Variants in HDAC9 observed in about 807,000 individuals in gnomAD.
The protein encoded by HDAC9 is MEF-2 interacting transcription repressor (MITR) protein.
HDAC9 carries 41 observed loss-of-function variants against 139.4 expected under a neutral mutation model. That is an observed-to-expected ratio of 0.29 (90% CI 0.23 to 0.38). The LOEUF is 0.38. Ranked by LOEUF, HDAC9 falls within the 10% of genes least tolerant of loss-of-function variation. The probability of loss-of-function intolerance (pLI) is 1.00; values close to 1 mark genes in which losing one functional copy is unlikely to be tolerated. For missense variants in HDAC9, 1,147 were observed against 1,297.0 expected (o/e 0.88, Z 1.78); for synonymous variants, 517 against 476.2 (o/e 1.09, Z -1.12).
At position 18,648,599 on chromosome 7, in the gene HDAC9, G is replaced by T; in HGVS notation, c.1383G>T (p.Thr461=). The T allele has an allele frequency of 3.1e-6, 5 of 1,613,504 alleles. No individual in the cohort carries two copies. The highest frequency in any genetic ancestry group is 3.3e-4 in the Middle Eastern group (2 of 6,062). The change falls in exon 11 of 26, where the codon ACG becomes ACT. Residue 461 remains threonine, a synonymous_variant. Coordinates refer to ENST00000686413, the MANE Select transcript of HDAC9 (RefSeq NM_178425.4). ...AGTCTGCACCTTTGCCTCAGAGCAC[G>T]TTGGCTCAGCTGGTCATTCAACAGC... is the stretch of plus-strand genomic sequence containing the variant. The part of the protein sequence containing the change: ...RTQSAPLPQS[T]LAQLVIQQQH...
chr7:18,387,034 G>A (rs1369793992), intron 1 of HDAC9, among the ~76,000 whole-genome samples: 1 of 152,282 alleles, frequency 6.6e-6, no homozygotes, highest in Non-Finnish European at 1.5e-5. Context: ...GCCAGTCTCA[G>A]ATCTGCCTAG....
chr7:18,321,481 A>G (rs183716684), intron 1 of HDAC9, among the ~76,000 whole-genome samples: 8 of 152,214 alleles, frequency 5.3e-5, no homozygotes, highest in African/African-American at 1.4e-4. Flanking sequence ...GTTGCTGAAG[A>G]TACTCCATTT....
intron 2 of HDAC9, among the ~76,000 whole-genome samples, chr7:18,184,942 A>G (rs1047171086): frequency 1.3e-5 from 2 of 152,142 alleles, no homozygotes; most frequent in Non-Finnish European, 2.9e-5. Context: ...TGCATGTCCT[A>G]TTTCTTTTTC....
At position 18,868,841 on chromosome 7, in the gene HDAC9, G is replaced by C. The variant is rs747696875; in HGVS notation, c.2685-5637G>C. ...AAGACCCTCTCTGGAATGAAGGAAT[G>C]CTGAGTGTCCTGAAGCTTTCATAAA... On this transcript the variant is annotated intron_variant, in intron 21 of 25. Coordinates refer to ENST00000686413, the MANE Select transcript of HDAC9 (RefSeq NM_178425.4). 8.6e-5 allele frequency among the ~76,000 whole-genome samples: 13 copies of C among 152,028 alleles called. 1 individual carries two copies. Among genetic ancestry groups the C allele is most frequent in the Non-Finnish European group, 1.5e-4 (10 of 68,020 alleles).
At chr7:18,139,474 A>G (rs1030688277) in intron 1 of HDAC9, among the ~76,000 whole-genome samples, 1 of 152,132 alleles carries the variant, frequency 6.6e-6, no homozygotes, top group Non-Finnish European at 1.5e-5. Context: ...CCAAGTAATT[A>G]TGATGCTTTA....
At chr7:18,887,066 C>T (rs958515981) in intron 22 of HDAC9, among the ~76,000 whole-genome samples, 2 of 152,156 alleles carry the variant, frequency 1.3e-5, no homozygotes, top group African/African-American at 2.4e-5. Context: ...GCTATTAATA[C>T]GTGTGTGGCT....
In HDAC9 at chr7:18,522,765, A is replaced by C. The variant is rs748879020; in HGVS notation, c.22+26441A>C. On this transcript the variant is annotated intron_variant, in intron 2 of 25. Transcript: ENST00000686413. The stretch of plus-strand genomic sequence containing the variant: ...GAAGGATTAATAACATTCAGTGACC[A>C]TTAAGTGCTATGAATTTTCAATGTA... Among the ~76,000 whole-genome samples the C allele has an allele frequency of 1.5e-3, 235 of 152,292 alleles. 1 individual carries two copies. The highest frequency in any genetic ancestry group is 3.0e-3 in the Non-Finnish European group (202 of 68,014).
intron 23 of HDAC9, among the ~76,000 whole-genome samples, chr7:18,940,757 C>T (rs1781969665): frequency 6.6e-6 from 1 of 152,256 alleles, no homozygotes; most frequent in Non-Finnish European, 1.5e-5. Flanking sequence ...TACTGTTATG[C>T]AAAGCCAATT....
intron 2 of HDAC9, chr7:18,509,162 C>T: frequency 1.3e-5 from 6 of 472,442 alleles, no homozygotes; most frequent in Non-Finnish European, 1.7e-5. Flanking sequence ...GAGGGACTGA[C>T]ACATTATCTC....
intron 2 of HDAC9, among the ~76,000 whole-genome samples, chr7:18,582,757 T>C (rs1424249727): frequency 6.6e-6 from 1 of 152,164 alleles, no homozygotes; most frequent in Non-Finnish European, 1.5e-5. Context: ...CTCCTGGAGA[T>C]ATAATCCTAG....
At chr7:18,988,120 G>T (rs1240328377) in intron 25 of HDAC9, among the ~76,000 whole-genome samples, 1 of 152,068 alleles carries the variant, frequency 6.6e-6, no homozygotes, top group African/African-American at 2.4e-5. Flanking sequence ...GAATGTGTTT[G>T]CTCTTGCTTT....
intron 6 of HDAC9, among the ~76,000 whole-genome samples, chr7:18,627,810 T>G (rs1842101314): frequency 6.6e-6 from 1 of 152,124 alleles, no homozygotes; most frequent in Non-Finnish European, 1.5e-5. Flanking sequence ...GGCTTTTGGT[T>G]TTTTTATCTT....
At chr7:18,757,106 A>G (rs1202751517) in intron 14 of HDAC9, among the ~76,000 whole-genome samples, 1 of 152,200 alleles carries the variant, frequency 6.6e-6, no homozygotes, top group Non-Finnish European at 1.5e-5. Context: ...AAAAAAATCA[A>G]TAAGACCATG....
chr7:18,896,138 T>G (rs926749261), intron 22 of HDAC9, among the ~76,000 whole-genome samples: 3 of 152,074 alleles, frequency 2.0e-5, no homozygotes, highest in African/African-American at 7.2e-5. Flanking sequence ...AAATATGATC[T>G]GTTGACGTTT....
intron 16 of HDAC9, 38 bp from the exon 17 acceptor site, chr7:18,793,307 C>G: frequency 7.2e-7 from 1 of 1,394,300 alleles, no homozygotes; most frequent in East Asian, 2.5e-5. Flanking sequence ...CTTTCGCTTT[C>G]TTCTTCTGTC....
chr7:18,865,279 T>A (rs1798407122), intron 21 of HDAC9, among the ~76,000 whole-genome samples: 1 of 152,102 alleles, frequency 6.6e-6, no homozygotes, highest in Admixed American at 6.6e-5. Flanking sequence ...CATTTCTGGA[T>A]ATATTTTGAA....
At chr7:18,719,489 A>G (rs1466592146) in intron 12 of HDAC9, among the ~76,000 whole-genome samples, 4 of 151,320 alleles carry the variant, frequency 2.6e-5, no homozygotes, top group Non-Finnish European at 5.9e-5. Flanking sequence ...ACAGGCTCAC[A>G]CCACCACGCC....
In HDAC9 at chr7:18,149,073, G is replaced by A. The variant is rs186619017; in HGVS notation, c.-96-13156G>A. 1.5e-3 allele frequency among the ~76,000 whole-genome samples: 227 copies of A among 152,130 alleles called. 1 individual carries two copies. The highest frequency in any genetic ancestry group is 5.3e-3 in the African/African-American group (221 of 41,520). ...CTGAAAGTGTATGAAAATTTTAACTGTTCCATATCCTTGCCAACGTGAGGA... is the reference window on the plus strand; with the variant it reads ...CTGAAAGTGTATGAAAATTTTAACTATTCCATATCCTTGCCAACGTGAGGA... On this transcript the variant is annotated intron_variant, in intron 1 of 12. Transcript: ENST00000417496.
chr7:18,680,062 A>G lies in HDAC9; in HGVS notation c.1731+13586A>G, dbSNP rs567206410. Among the ~76,000 whole-genome samples, 136 of 152,102 alleles carry G rather than the reference A, an allele frequency of 8.9e-4. 1 individual carries two copies. Among genetic ancestry groups the G allele is most frequent in the Non-Finnish European group, 1.6e-3 (112 of 67,938 alleles). On this transcript the variant is annotated intron_variant, in intron 12 of 25. Transcript: ENST00000686413. ...TTCTTTGCATTAGAAATCAGTGCCA[A>G]TATAAACCATGACTGATAAAAATGA...
Sources: gnomAD v4.1 joint callset for allele counts (sites outside exome capture counted in the v4.1 genomes callset) on GRCh38, gnomAD v4.1.1 for gene constraint, MANE v1.5 for transcripts, NCBI Gene and HGNC (gene_info 2026-07-23, HGNC 2026-07-21) for gene names.